The following ANAPC10 variants were observed in gnomAD, a reference collection of about 807,000 sequenced individuals.
ANAPC10 encodes the protein anaphase promoting complex subunit 10.
In ANAPC10, 12 loss-of-function variants were observed where a neutral mutation model predicts 22.0. That is an observed-to-expected ratio of 0.55 (90% CI 0.35 to 0.88). The LOEUF is 0.88. Ranked by LOEUF, ANAPC10 falls within the 40% of genes least tolerant of loss-of-function variation. The probability of loss-of-function intolerance (pLI) is 0.01; values close to 1 mark genes in which losing one functional copy is unlikely to be tolerated. For synonymous variants in ANAPC10, 65 were observed against 69.5 expected (o/e 0.94, Z 0.32); for missense variants, 188 against 220.9 (o/e 0.85, Z 0.94).
intron 2 of ANAPC10, among the ~76,000 whole-genome samples, chr4:145,089,582 G>GTAAGATTGTTT (rs528338436): frequency 1.3e-5 from 2 of 152,098 alleles, no homozygotes; most frequent in Non-Finnish European, 2.9e-5. Context: ...GTGCTGAATT[G>GTAAGATTGTTT]TAAGATTGTT....
intron 4 of ANAPC10, among the ~76,000 whole-genome samples, chr4:145,004,546 C>CCT (rs1406786317): frequency 3.3e-5 from 5 of 152,092 alleles, no homozygotes; most frequent in Non-Finnish European, 7.4e-5. Context: ...GGGTTTTTAT[C>CCT]ATGAAAGGAT....
chr4:145,082,448 C>T (rs944918024), intron 2 of ANAPC10, among the ~76,000 whole-genome samples: 9 of 152,198 alleles, frequency 5.9e-5, no homozygotes, highest in Non-Finnish European at 1.2e-4. Context: ...CACGCCCAGC[C>T]GGATACATTT....
At chr4:144,996,729 G>GA (rs750595008) in intron 4 of ANAPC10, among the ~76,000 whole-genome samples, 1 of 152,152 alleles carries the variant, frequency 6.6e-6, no homozygotes, top group Non-Finnish European at 1.5e-5. Flanking sequence ...GCTGGACGGA[G>GA]AATGACTTTG....
At chr4:145,039,705 C>T (rs1739209688) in intron 4 of ANAPC10, among the ~76,000 whole-genome samples, 2 of 152,088 alleles carry the variant, frequency 1.3e-5, no homozygotes, top group African/African-American at 4.8e-5. Context: ...AGCAATTCTC[C>T]TGCCTTAGCC....
chr4:145,054,250 T>C (rs1299096069), intron 4 of ANAPC10, among the ~76,000 whole-genome samples: 7 of 150,396 alleles, frequency 4.7e-5, no homozygotes, highest in African/African-American at 7.3e-5. Context: ...TCGCCAGAAA[T>C]ATTTACGCAA....
rs377344308 is a variant in ANAPC10, at chr4:145,051,725, T to C, written c.327+12847A>G. 9.2e-5 allele frequency among the ~76,000 whole-genome samples: 14 copies of C among 152,260 alleles called. No individual in the cohort carries two copies. In the East Asian group the frequency reaches 1.4e-3, roughly 15 times the overall value. ...CAACAGCCACATAGTTATTATTGCATACAGTTATTGTAAAGAGACATTCTA... is the reference window on the plus strand; with the variant it reads ...CAACAGCCACATAGTTATTATTGCACACAGTTATTGTAAAGAGACATTCTA... On this transcript the variant is annotated intron_variant, in intron 4 of 4. Transcript: ENST00000507656.
Position 145,077,165 on chromosome 4 carries a change from C to T in ANAPC10, c.206+4495G>A, listed in dbSNP as rs1170870035. ...AGTGAGCCGAGATCGTGCCACTGCA[C>T]TCCAGCCTGGGCGACAGAGCAAGAC... On this transcript the variant is annotated intron_variant, in intron 3 of 4. Coordinates refer to ENST00000507656, the MANE Select transcript of ANAPC10 (RefSeq NM_001256706.2). Among the ~76,000 whole-genome samples, 3 of 152,030 alleles carry T rather than the reference C, an allele frequency of 2.0e-5. No homozygotes were observed. The East Asian group carries it at 5.8e-4, about 29-fold the overall frequency.
At chr4:145,065,089 T>C (rs1743484871) in intron 3 of ANAPC10, among the ~76,000 whole-genome samples, 1 of 151,986 alleles carries the variant, frequency 6.6e-6, no homozygotes, top group Admixed American at 6.6e-5. Context: ...ATTTCCTATA[T>C]TAAATACTTG....
intron 4 of ANAPC10, among the ~76,000 whole-genome samples, chr4:145,053,369 T>A (rs1398749025): frequency 1.3e-5 from 2 of 152,232 alleles, no homozygotes; most frequent in African/African-American, 4.8e-5. Flanking sequence ...AGTCTAAATC[T>A]AGATCTTTTC....
intron 3 of ANAPC10, among the ~76,000 whole-genome samples, chr4:145,069,073 A>G (rs967920439): frequency 4.6e-5 from 7 of 152,228 alleles, no homozygotes; most frequent in African/African-American, 1.7e-4. Flanking sequence ...AAAACAAGAA[A>G]GTCCGAGACA....
At chr4:145,000,852 T>C (rs1370496970) in intron 4 of ANAPC10, among the ~76,000 whole-genome samples, 2 of 152,116 alleles carry the variant, frequency 1.3e-5, no homozygotes, top group African/African-American at 4.8e-5. Context: ...TACCATGGAA[T>C]ACTATGCAGC....
chr4:145,051,635 A>G (rs1397744398), intron 4 of ANAPC10, among the ~76,000 whole-genome samples: 1 of 152,162 alleles, frequency 6.6e-6, no homozygotes, highest in Non-Finnish European at 1.5e-5. Flanking sequence ...TTTTTAAAGA[A>G]CTATTCTTTT....
intron 4 of ANAPC10, among the ~76,000 whole-genome samples, chr4:144,997,234 A>G (rs1717688303): frequency 6.6e-6 from 1 of 152,196 alleles, no homozygotes; most frequent in Admixed American, 6.5e-5. Flanking sequence ...GGAAATACAG[A>G]GAACACCACA....
chr4:145,006,710 T>G (rs1733426036), intron 4 of ANAPC10, among the ~76,000 whole-genome samples: 2 of 152,298 alleles, frequency 1.3e-5, no homozygotes, highest in East Asian at 3.9e-4. Context: ...AATTTCATTA[T>G]TGCTAAATCC....
intron 4 of ANAPC10, among the ~76,000 whole-genome samples, chr4:145,051,636 C>T (rs1366934854): frequency 6.6e-6 from 1 of 151,998 alleles, no homozygotes; most frequent in African/African-American, 2.4e-5. Context: ...TTTTAAAGAA[C>T]TATTCTTTTT....
At chr4:145,001,766 G>A (rs998119902) in intron 4 of ANAPC10, among the ~76,000 whole-genome samples, 8 of 152,016 alleles carry the variant, frequency 5.3e-5, no homozygotes, top group Admixed American at 2.0e-4. Flanking sequence ...TGAAGACATC[G>A]ACATCTCTCA....
At position 145,017,680 on chromosome 4, in the gene ANAPC10, T is replaced by C. The variant is rs547668756; in HGVS notation, c.328-22077A>G. ...AAAGACACATGCACACGTATGTTTA[T>C]TGCAGCACTACTCACAATAGCAAAG... On this transcript the variant is annotated intron_variant, in intron 4 of 4. Transcript: ENST00000507656. 2.0e-3 allele frequency among the ~76,000 whole-genome samples: 309 copies of C among 152,228 alleles called. 1 individual carries two copies. The highest frequency in any genetic ancestry group is 5.7e-3 in the African/African-American group (238 of 41,510).
intron 4 of ANAPC10, among the ~76,000 whole-genome samples, chr4:145,040,219 G>A (rs761059657): frequency 7.3e-5 from 11 of 151,670 alleles, no homozygotes; most frequent in Non-Finnish European, 1.5e-4. Flanking sequence ...GGCACGATCT[G>A]GGCTCACCGC....
intron 4 of ANAPC10, chr4:145,064,268 A>C (rs2126466643): frequency 5.5e-6 from 1 of 182,740 alleles, no homozygotes; most frequent in East Asian, 1.4e-4. Flanking sequence ...ACAGATTGTA[A>C]TAAAGCAAAT....
Sources: gnomAD v4.1 joint callset for allele counts (sites outside exome capture counted in the v4.1 genomes callset) on GRCh38, gnomAD v4.1.1 for gene constraint, MANE v1.5 for transcripts, NCBI Gene and HGNC (gene_info 2026-07-23, HGNC 2026-07-21) for gene names.